The following PRSS58 variants were observed in gnomAD, a reference collection of about 807,000 sequenced individuals.
PRSS58 encodes serine protease 58, also known as protease, serine 58.
A neutral mutation model predicts 25.0 loss-of-function variants in PRSS58; 31 were observed. That is an observed-to-expected ratio of 1.24 (90% confidence interval 0.93 to 1.67). The LOEUF is 1.67. Ranked by LOEUF, PRSS58 falls within the 40% of genes most tolerant of loss-of-function variation. The probability of loss-of-function intolerance (pLI) is 0.00; values close to 1 mark genes in which losing one functional copy is unlikely to be tolerated. For synonymous variants in PRSS58, 119 were observed against 106.1 expected (o/e 1.12, Z -0.75); for missense variants, 324 against 287.9 (o/e 1.13, Z -0.91).
rs755209350 is a variant in PRSS58 at position 142,255,192 on chromosome 7, T to A, written c.299A>T (p.His100Leu). ...TTTCAGCTTGATTAGCATGATGTCA[T>A]GATCAATAGAAGTGACTGAGAAGTG... Reference protein sequence around the residue: ...HPHFSVTSIDHDIMLIKLKTE... With the variant: ...HPHFSVTSIDLDIMLIKLKTE... The change falls in exon 4 of 6, where the codon CAT (histidine) becomes CTT (leucine). Residue 100 changes from histidine to leucine, a missense_variant. By Grantham distance (99) the His-to-Leu change is moderately conservative (BLOSUM62 -3). Transcript: ENST00000547058. The A allele has an allele frequency of 1.2e-5, 20 of 1,614,188 alleles. No homozygotes were observed. Among genetic ancestry groups the A allele is most frequent in the Non-Finnish European group, 1.7e-5 (20 of 1,180,034 alleles).
intron 4 of PRSS58, 105 bp downstream of exon 4, chr7:142,254,950 A>G: frequency 8.9e-7 from 1 of 1,125,080 alleles, no homozygotes; most frequent in South Asian, 1.4e-5. Flanking sequence ...AAAGGGGGGA[A>G]AGAGGTTAGA....
rs182359383 is a variant in PRSS58 at position 142,256,568 on chromosome 7, A to T, written c.41-895T>A. On this transcript the variant is annotated intron_variant, in intron 2 of 5. Coordinates refer to ENST00000547058, the MANE Select transcript of PRSS58 (RefSeq NM_001001317.5). The stretch of plus-strand genomic sequence containing the variant: ...GCCTCAACCTCCTGGGCTCAAGCAA[A>T]CCCTCCTGAGTAGCTTGGACTACAG... 8.0e-4 allele frequency among the ~76,000 whole-genome samples: 118 copies of T among 146,932 alleles called. 1 individual carries two copies. Among genetic ancestry groups the T allele is most frequent in the Admixed American group, 3.9e-3 (58 of 14,774 alleles).
At chr7:142,256,634 T>A (rs1798560271) in intron 2 of PRSS58, among the ~76,000 whole-genome samples, 1 of 152,086 alleles carries the variant, frequency 6.6e-6, no homozygotes, top group African/African-American at 2.4e-5. Context: ...AATTTTTTAA[T>A]TTTTTTAATA....
At chr7:142,255,459 T>C (rs1798539577) in intron 3 of PRSS58, 76 bp downstream of exon 3, 1 of 1,600,978 alleles carries the variant, frequency 6.2e-7, no homozygotes, top group African/African-American at 1.3e-5. Context: ...TGGGAGATGG[T>C]CTCAGACAGG....
At chr7:142,257,631 C>T (rs762799396) in intron 2 of PRSS58, 37 bp downstream of exon 2, 5 of 1,571,486 alleles carry the variant, frequency 3.2e-6, no homozygotes, top group Non-Finnish European at 4.4e-6. Flanking sequence ...CAGGATTTCT[C>T]TTTGGTGGGT....
chr7:142,256,480 T>C (rs1798557447), intron 2 of PRSS58, among the ~76,000 whole-genome samples: 1 of 152,104 alleles, frequency 6.6e-6, no homozygotes, highest in Non-Finnish European at 1.5e-5. Flanking sequence ...TGTTGTTTGT[T>C]TGAGACAGGA....
Position 142,255,569 on chromosome 7 carries a change from G to A in PRSS58, c.145C>T (p.Leu49Phe). ...LPCAGVLIHP[L>F]WVITAAHCNL... ...CAGTGTGCAGCTGTGATCACCCAAA[G>A]CGGGTGGATCAGGACTCCAGCGCAG... The change falls in exon 3 of 6, where the codon CTT becomes TTT. Residue 49 changes from leucine (L) to phenylalanine (F), a missense_variant. By Grantham distance (22) the Leu-to-Phe change is conservative (BLOSUM62 0). Transcript: ENST00000547058. The A allele has an allele frequency of 1.2e-6, 2 of 1,614,086 alleles. No individual in the cohort carries two copies. The highest frequency in any genetic ancestry group is 1.1e-5 in the South Asian group (1 of 91,088).
rs145414122 is a variant in PRSS58 at position 142,252,547 on chromosome 7, A to C, written c.501T>G (p.Asp167Glu). 555 of 1,614,106 alleles carry C rather than the reference A, an allele frequency of 3.4e-4. No individual in the cohort carries two copies. The highest frequency in any genetic ancestry group is 4.4e-4 in the Non-Finnish European group (524 of 1,180,036). The part of the protein sequence containing the change: ...ISVISKPQCR[D>E]AYKTYNITEN... Reference sequence around the variant, plus strand: ...CCGTGATGTTGTAGGTTTTATAGGCATCGCGACACTGAGGCTTGGAGATTA... The same window carrying C: ...CCGTGATGTTGTAGGTTTTATAGGCCTCGCGACACTGAGGCTTGGAGATTA... The change falls in exon 5 of 6, where the codon GAT becomes GAG. Residue 167 changes from aspartate to glutamate, a missense_variant. Transcript: ENST00000547058.
At chr7:142,257,854 G>A (rs1295512066) in intron 1 of PRSS58, 106 bp from the exon 2 acceptor site, 11 of 682,170 alleles carry the variant, frequency 1.6e-5, no homozygotes, top group Non-Finnish European at 2.6e-5. Context: ...TTTTAGAAAT[G>A]GTGTCCATTA....
chr7:142,255,022 A>G (rs1185262622), intron 4 of PRSS58, 33 bp downstream of exon 4: 1 of 1,608,794 alleles, frequency 6.2e-7, no homozygotes, highest in South Asian at 1.1e-5. Flanking sequence ...AAGCATGTCT[A>G]ATTCTGAGAG....
intron 4 of PRSS58, 76 bp from the exon 5 acceptor site, chr7:142,252,687 C>T: frequency 6.9e-7 from 1 of 1,450,856 alleles, no homozygotes; most frequent in East Asian, 2.3e-5. Context: ...AACTTTTCTT[C>T]TTCTACCATC....
At chr7:142,256,123 G>A (rs902367699) in intron 2 of PRSS58, among the ~76,000 whole-genome samples, 7 of 152,168 alleles carry the variant, frequency 4.6e-5, no homozygotes, top group African/African-American at 1.7e-4. Context: ...AATGCTAAGA[G>A]TCTGAGGAGG....
intron 4 of PRSS58, among the ~76,000 whole-genome samples, chr7:142,253,509 A>G (rs1280144216): frequency 2.0e-5 from 3 of 152,256 alleles, no homozygotes; most frequent in African/African-American, 7.2e-5. Context: ...TGAGAAAAAC[A>G]ACAAAGTAGT....
At chr7:142,252,397 A>G in intron 5 of PRSS58, 27 bp from the exon 6 acceptor site, 1 of 1,611,202 alleles carries the variant, frequency 6.2e-7, no homozygotes, top group Non-Finnish European at 8.5e-7. Flanking sequence ...AATAACAACA[A>G]CAAAAAAGCA....
chr7:142,252,493 T>A lies in PRSS58; in HGVS notation c.555A>T (p.Pro185=). The part of the protein sequence containing the change: ...TENMLCVGIV[P]GRRQPCKEVS... Reference sequence around the variant, plus strand: ...TTACCTTGCAGGGCTGCCTCCTTCCTGGCACAATGCCCACACACAGCATAT... The same window carrying A: ...TTACCTTGCAGGGCTGCCTCCTTCCAGGCACAATGCCCACACACAGCATAT... Residue 185 remains proline, a synonymous_variant, in exon 5 of 6, where the codon CCA becomes CCT. Coordinates refer to ENST00000547058, the MANE Select transcript of PRSS58 (RefSeq NM_001001317.5). The A allele has an allele frequency of 1.2e-6, 2 of 1,614,092 alleles. No individual in the cohort carries two copies. Among genetic ancestry groups the A allele is most frequent in the Non-Finnish European group, 1.7e-6 (2 of 1,180,004 alleles).
chr7:142,257,854 G>C, intron 1 of PRSS58, 106 bp from the exon 2 acceptor site: 1 of 682,288 alleles, frequency 1.5e-6, no homozygotes, highest in Non-Finnish European at 2.6e-6. Flanking sequence ...TTTTAGAAAT[G>C]GTGTCCATTA....
chr7:142,254,842 A>G (rs1798525306), intron 4 of PRSS58, among the ~76,000 whole-genome samples: 1 of 152,212 alleles, frequency 6.6e-6, no homozygotes, highest in South Asian at 2.1e-4. Flanking sequence ...AACCACTTCT[A>G]TCATATATGA....
intron 4 of PRSS58, among the ~76,000 whole-genome samples, chr7:142,253,607 A>G (rs766800502): frequency 1.3e-5 from 2 of 150,678 alleles, no homozygotes; most frequent in African/African-American, 2.5e-5. Flanking sequence ...TTAATAATGG[A>G]AGAGTATGTT....
At chr7:142,257,127 G>A (rs1460006704) in intron 2 of PRSS58, among the ~76,000 whole-genome samples, 1 of 152,164 alleles carries the variant, frequency 6.6e-6, no homozygotes, top group Non-Finnish European at 1.5e-5. Context: ...AGGTAGAGGG[G>A]TCTGTTAGGA....
Sources: gnomAD v4.1 joint callset for allele counts (sites outside exome capture counted in the v4.1 genomes callset) on GRCh38, gnomAD v4.1.1 for gene constraint, MANE v1.5 for transcripts, NCBI Gene and HGNC (gene_info 2026-07-23, HGNC 2026-07-21) for gene names.